The following NCKAP5 variants were observed in gnomAD, a reference collection of about 807,000 sequenced individuals.
NCKAP5 encodes NCK associated protein 5, also known as nck-associated protein 5.
In NCKAP5, 92 loss-of-function variants were observed where a neutral mutation model predicts 167.0. That is an observed-to-expected ratio of 0.55 (90% CI 0.47 to 0.66). The LOEUF is 0.66. Among genes scored for constraint, NCKAP5 ranks in the 30% least tolerant of loss-of-function variants. The pLI, the probability that NCKAP5 is intolerant of heterozygous loss-of-function variation, is 0.00. For missense variants in NCKAP5, 2,378 were observed against 2,315.0 expected, an observed-to-expected ratio of 1.03 and a Z score of -0.56; for synonymous variants, 891 against 877.4, an observed-to-expected ratio of 1.02 and a Z score of -0.27.
the NCKAP5 span, among the ~76,000 whole-genome samples, chr2:133,578,298 C>T: frequency 1.3e-5 from 2 of 152,184 alleles, no homozygotes; most frequent in African/African-American, 2.4e-5. Flanking sequence ...CCATCTATCC[C>T]CCATCTATCC....
At chr2:133,244,503 C>A (rs1559310399) in intron 4 of NCKAP5, among the ~76,000 whole-genome samples, 1 of 151,928 alleles carries the variant, frequency 6.6e-6, no homozygotes. Context: ...GGCTACAATA[C>A]CCAAGACAAT....
In NCKAP5 at chr2:133,207,130, A is replaced by G. The variant is rs189364824; in HGVS notation, c.207+6586T>C. ...GATCCTTGTGACCTTCTCCCTGTTCATGCACCCCCTCCCCTTTTAAAATCC... is the reference window on the plus strand; with the variant it reads ...GATCCTTGTGACCTTCTCCCTGTTCGTGCACCCCCTCCCCTTTTAAAATCC... On this transcript the variant is annotated intron_variant, in intron 5 of 19. Transcript: ENST00000409261. Among the ~76,000 whole-genome samples, 276 of 152,062 alleles carry G rather than the reference A, an allele frequency of 1.8e-3. 3 individuals are homozygous for G. The highest frequency in any genetic ancestry group is 6.3e-3 in the African/African-American group (263 of 41,470).
At chr2:133,348,468 G>A (rs1684126480) in intron 3 of NCKAP5, among the ~76,000 whole-genome samples, 1 of 151,814 alleles carries the variant, frequency 6.6e-6, no homozygotes, top group Non-Finnish European at 1.5e-5. Flanking sequence ...CATTTTTGGG[G>A]TGGGAGTAGT....
intron 9 of NCKAP5, among the ~76,000 whole-genome samples, chr2:132,878,460 C>T (rs1014816993): frequency 6.6e-6 from 1 of 151,964 alleles, no homozygotes; most frequent in Non-Finnish European, 1.5e-5. Flanking sequence ...TGCAGCATGC[C>T]CCGACATGGT....
intron 8 of NCKAP5, among the ~76,000 whole-genome samples, chr2:132,921,464 T>C (rs1306533229): frequency 6.6e-6 from 1 of 152,202 alleles, no homozygotes; most frequent in Non-Finnish European, 1.5e-5. Flanking sequence ...AACAAATATT[T>C]ATCGAGTTGT....
chr2:133,454,112 T>C (rs904730336), intron 3 of NCKAP5, among the ~76,000 whole-genome samples: 1 of 152,048 alleles, frequency 6.6e-6, no homozygotes, highest in Non-Finnish European at 1.5e-5. Flanking sequence ...TTGCCTATAA[T>C]AAGAAATGAA....
At chr2:133,099,833 A>AATAT (rs1353519808) in intron 6 of NCKAP5, among the ~76,000 whole-genome samples, 1 of 152,198 alleles carries the variant, frequency 6.6e-6, no homozygotes, top group Non-Finnish European at 1.5e-5. Context: ...CTGCAAGCCA[A>AATAT]ATATATACTG....
intron 8 of NCKAP5, among the ~76,000 whole-genome samples, chr2:132,940,552 ATAAC>A (rs1558967928): frequency 6.6e-6 from 1 of 152,160 alleles, no homozygotes; most frequent in African/African-American, 2.4e-5. Context: ...AGTAAAAAAA[ATAAC>A]TAGCAACAAG....
chr2:133,319,427 T>C (rs1358175691), intron 3 of NCKAP5, among the ~76,000 whole-genome samples: 1 of 152,124 alleles, frequency 6.6e-6, no homozygotes, highest in Non-Finnish European at 1.5e-5. Context: ...GTACCCATGA[T>C]AAATATGATG....
At chr2:132,916,531 C>T (rs779775680) in intron 8 of NCKAP5, among the ~76,000 whole-genome samples, 10 of 151,944 alleles carry the variant, frequency 6.6e-5, no homozygotes, top group African/African-American at 1.4e-4. Context: ...GAATGACTGG[C>T]GTGTAGATGC....
chr2:132,948,997 GAGAAATGAAAAGAAA>G (rs1355836255), intron 8 of NCKAP5, among the ~76,000 whole-genome samples: 1 of 104,212 alleles, frequency 9.6e-6, no homozygotes, highest in Admixed American at 1.4e-4. Context: ...CAAAGATCCA[GAGAAATGAAAAGAAA>G]AGAAAAGAAA....
intron 11 of NCKAP5, among the ~76,000 whole-genome samples, chr2:132,815,884 T>C (rs1686231805): frequency 6.6e-6 from 1 of 152,184 alleles, no homozygotes; most frequent in Non-Finnish European, 1.5e-5. Context: ...GGATAATAAC[T>C]ATACAACTAG....
At chr2:133,197,761 C>A (rs927943076) in intron 5 of NCKAP5, among the ~76,000 whole-genome samples, 16 of 152,096 alleles carry the variant, frequency 1.1e-4, no homozygotes, top group Non-Finnish European at 2.2e-4. Flanking sequence ...CCATCCTGGA[C>A]AACATGATGA....
intron 8 of NCKAP5, among the ~76,000 whole-genome samples, chr2:132,923,072 A>G (rs146234344): frequency 6.6e-6 from 1 of 152,266 alleles, no homozygotes; most frequent in Non-Finnish European, 1.5e-5. Flanking sequence ...TACAGAGGTA[A>G]ACTAATCCAG....
chr2:132,884,844 G>A (rs760644201), intron 8 of NCKAP5, among the ~76,000 whole-genome samples: 2 of 152,124 alleles, frequency 1.3e-5, no homozygotes, highest in African/African-American at 2.4e-5. Context: ...TCTACACCTC[G>A]CTCCTACCCA....
At chr2:133,624,051 G>T in the NCKAP5 span, among the ~76,000 whole-genome samples, 18 of 152,028 alleles carry the variant, frequency 1.2e-4, no homozygotes, top group African/African-American at 4.1e-4. Flanking sequence ...AAACAGCATA[G>T]GTTCTCACTC....
chr2:133,525,351 G>A (rs371210428), intron 2 of NCKAP5, among the ~76,000 whole-genome samples: 27 of 152,108 alleles, frequency 1.8e-4, no homozygotes, highest in African/African-American at 5.3e-4. Flanking sequence ...AGTAGCTTCC[G>A]GTTGATGGTT....
chr2:133,294,515 C>T (rs1679820046), intron 4 of NCKAP5, among the ~76,000 whole-genome samples: 1 of 152,168 alleles, frequency 6.6e-6, no homozygotes, highest in Admixed American at 6.5e-5. Context: ...AATATTTCTT[C>T]CTCAAGGATA....
intron 6 of NCKAP5, among the ~76,000 whole-genome samples, chr2:133,025,223 C>T (rs2078656306): frequency 6.6e-6 from 1 of 152,322 alleles, no homozygotes; most frequent in East Asian, 1.9e-4. Flanking sequence ...CAATCCAAAA[C>T]TTTTTCCTAC....
Sources: gnomAD v4.1 joint callset for allele counts (sites outside exome capture counted in the v4.1 genomes callset) on GRCh38, gnomAD v4.1.1 for gene constraint, MANE v1.5 for transcripts, NCBI Gene and HGNC (gene_info 2026-07-23, HGNC 2026-07-21) for gene names.